GPAM: variants seen among roughly 807,000 people sequenced by gnomAD.
GPAM encodes the protein glycerol-3-phosphate acyltransferase, mitochondrial.
GPAM carries 56 observed loss-of-function variants against 105.0 expected under a neutral mutation model. The observed-to-expected ratio is 0.53, with a 90% CI of 0.43 to 0.67. GPAM has a LOEUF of 0.67. GPAM is among the 30% of genes least tolerant of loss of function. The pLI, the probability that GPAM is intolerant of heterozygous loss-of-function variation, is 0.00. For missense variants in GPAM, 855 were observed against 989.8 expected, an observed-to-expected ratio of 0.86 and a Z score of 1.83; for synonymous variants, 368 against 354.4, an observed-to-expected ratio of 1.04 and a Z score of -0.43.
At chr10:112,180,442 T>A (rs1847487405) in intron 4 of GPAM, 31 bp downstream of exon 4, 1 of 1,609,084 alleles carries the variant, frequency 6.2e-7, no homozygotes, top group Admixed American at 1.7e-5. Flanking sequence ...TTATGCTGAG[T>A]ATTAGGGTCA....
At chr10:112,203,660 T>C (rs1430830627) in intron 1 of GPAM, among the ~76,000 whole-genome samples, 1 of 152,252 alleles carries the variant, frequency 6.6e-6, no homozygotes, top group Non-Finnish European at 1.5e-5. Flanking sequence ...TTACTAACAA[T>C]AATGGATTTC....
At chr10:112,165,860 AT>A (rs1274445394) in intron 12 of GPAM, among the ~76,000 whole-genome samples, 1 of 151,962 alleles carries the variant, frequency 6.6e-6, no homozygotes, top group African/African-American at 2.4e-5. Context: ...CCATCTCAAA[AT>A]TTTTTTGACT....
rs1461605123 is a variant in GPAM at position 112,150,747 on chromosome 10, T to G, written c.*2803A>C. The G allele has an allele frequency of 2.0e-6, 2 of 984,898 alleles. No homozygotes were observed. Among genetic ancestry groups the G allele is most frequent in the African/African-American group, 1.7e-5 (1 of 57,222 alleles). The allele number at this position is 984,898 out of a possible 1,614,324, so 61.0% of individuals were successfully genotyped here. A position where few individuals can be genotyped will look rare whatever the true frequency, so the allele number is the denominator to read the frequency against. ...GCATTGTAAGTTTCCAGGTGCAAAC[T>G]TGGTTTCCCAGCAACACCATTTCTA... is the stretch of plus-strand genomic sequence containing the variant. On this transcript the variant is annotated 3_prime_UTR_variant, in exon 22 of 22. Coordinates refer to ENST00000348367, the MANE Select transcript of GPAM (RefSeq NM_001244949.2).
chr10:112,185,980 T>C (rs1847591828), upstream of GPAM, among the ~76,000 whole-genome samples: 1 of 152,086 alleles, frequency 6.6e-6, no homozygotes, highest in African/African-American at 2.4e-5. Context: ...GAAAGAATAA[T>C]TGATGAAAAC....
intron 8 of GPAM, 106 bp downstream of exon 8, chr10:112,172,864 T>C (rs1589591421): frequency 2.7e-6 from 2 of 749,966 alleles, no homozygotes; most frequent in East Asian, 5.0e-5. Flanking sequence ...ATCTTCCAAA[T>C]GGGTTGAAAT....
chr10:112,222,123 TG>T, the GPAM span, among the ~76,000 whole-genome samples: 2 of 152,220 alleles, frequency 1.3e-5, no homozygotes, highest in African/African-American at 4.8e-5. Context: ...TTGTTGAAGT[TG>T]GGTGATGAGT....
rs762478618 is a variant in GPAM at position 112,160,046 on chromosome 10, G to C, written c.1767C>G (p.Ser589Arg). 20 of 1,613,882 alleles carry C rather than the reference G, an allele frequency of 1.2e-5. No homozygotes were observed. Among genetic ancestry groups the C allele is most frequent in the Admixed American group, 1.7e-5 (1 of 60,010 alleles). The change falls in exon 17 of 22, where the codon AGC (serine) becomes AGG (arginine). Residue 589 changes from serine (S) to arginine (R), a missense_variant. Ser to Arg is a moderately radical substitution (Grantham distance 110). Transcript: ENST00000348367. ...CCCTCTTGTTCAGAACTGCATAAAG[G>C]CTGCAAGCTAAGAAAAGAAAAGCAA... Reference protein sequence around the residue: ...VFIMEAIIACSLYAVLNKRGL... With the variant: ...VFIMEAIIACRLYAVLNKRGL...
In GPAM at chr10:112,155,935, G is replaced by A. The variant is rs765209881; in HGVS notation, c.2240C>T (p.Pro747Leu). The A allele has an allele frequency of 8.7e-6, 14 of 1,612,222 alleles. No individual in the cohort carries two copies. Among genetic ancestry groups the A allele is most frequent in the South Asian group, 6.6e-5 (6 of 91,076 alleles). The change falls in exon 20 of 22, where the codon CCA (proline) becomes CTA (leucine). Residue 747 changes from proline (P) to leucine (L), a missense_variant. Physicochemically the swap from Pro to Leu is moderately conservative, Grantham distance 98. Coordinates refer to ENST00000348367, the MANE Select transcript of GPAM (RefSeq NM_001244949.2). ...IFVHNFSGPV[P>L]EPEYLQKLHK... is the part of the protein sequence containing the mutation. ...CAACTTTTGCAGATACTCAGGTTCT[G>A]GAACAGGACCACTGAAGTTGTGAAC... is the stretch of plus-strand genomic sequence containing the variant.
chr10:112,188,690 T>C (rs1308648944), upstream of GPAM, among the ~76,000 whole-genome samples: 2 of 152,246 alleles, frequency 1.3e-5, no homozygotes, highest in Non-Finnish European at 2.9e-5. Flanking sequence ...TGTTTTGCCA[T>C]TTTCCAGATG....
Position 112,153,408 on chromosome 10 carries a change from GA to G in GPAM, c.*141del. 1 of 1,586,046 alleles carries G rather than the reference GA, an allele frequency of 6.3e-7. No individual in the cohort carries two copies. The highest frequency in any genetic ancestry group is 8.5e-7 in the Non-Finnish European group (1 of 1,171,648). On this transcript the variant is annotated 3_prime_UTR_variant, in exon 22 of 22. Coordinates refer to ENST00000348367, the MANE Select transcript of GPAM (RefSeq NM_001244949.2). The stretch of plus-strand genomic sequence containing the variant: ...GGAAGATCACAGATCCATGGAGGGA[GA>G]AGGCACTTGTCTTCCAGGAGATCAC...
In GPAM at chr10:112,157,265, C is replaced by T. The variant is rs763050405; in HGVS notation, c.2105G>A (p.Arg702Gln). 1.9e-6 allele frequency: 3 copies of T among 1,613,904 alleles called. No individual in the cohort carries two copies. Among genetic ancestry groups the T allele is most frequent in the Non-Finnish European group, 2.5e-6 (3 of 1,179,778 alleles). ...CCCAAGTACCTTCAGGTAGCAATCT[C>T]GCTGTTCCTCCCCAAAGTCACTGTC... Reference protein sequence around the residue: ...DEDSDFGEEQRDCYLKVSQSK... With the variant: ...DEDSDFGEEQQDCYLKVSQSK... Residue 702 changes from arginine (R) to glutamine (Q), a missense_variant, in exon 19 of 22, where the codon CGA becomes CAA. Arg to Gln is a conservative substitution (Grantham distance 43, BLOSUM62 1). Coordinates refer to ENST00000348367, the MANE Select transcript of GPAM (RefSeq NM_001244949.2).
At chr10:112,200,975 A>G (rs991578390) in intron 1 of GPAM, among the ~76,000 whole-genome samples, 2 of 152,238 alleles carry the variant, frequency 1.3e-5, no homozygotes, top group Non-Finnish European at 2.9e-5. Context: ...GTGAATTCTG[A>G]GTGACCCTAG....
At chr10:112,195,684 T>C (rs1847715225) in intron 1 of GPAM, among the ~76,000 whole-genome samples, 1 of 152,236 alleles carries the variant, frequency 6.6e-6, no homozygotes, top group Non-Finnish European at 1.5e-5. Flanking sequence ...ATTCTTGACT[T>C]TTCCCCTACA....
At chr10:112,156,205 G>A in intron 19 of GPAM, 152 bp from the exon 20 acceptor site, 2 of 674,264 alleles carry the variant, frequency 3.0e-6, no homozygotes, top group Non-Finnish European at 5.4e-6. Flanking sequence ...CCCTCATGCA[G>A]AGAATCTCTG....
intron 1 of GPAM, among the ~76,000 whole-genome samples, chr10:112,190,499 TAAA>T (rs11446981): frequency 1.5e-5 from 2 of 135,922 alleles, no homozygotes; most frequent in African/African-American, 2.7e-5. Flanking sequence ...GACTCCATCT[TAAA>T]AAAAAAAAAA....
intron 1 of GPAM, among the ~76,000 whole-genome samples, chr10:112,211,434 T>C (rs943664346): frequency 2.0e-5 from 3 of 152,186 alleles, no homozygotes; most frequent in Non-Finnish European, 4.4e-5. Context: ...TGCAGGTCCA[T>C]GGCCAGGGCG....
chr10:112,151,557 A>C lies in GPAM; in HGVS notation c.*1993T>G. 1.0e-6 allele frequency: 1 copy of C among 985,750 alleles called. No individual in the cohort carries two copies. The allele number at this position is 985,750 out of a possible 1,614,324, so 61.1% of individuals were successfully genotyped here. A position where few individuals can be genotyped will look rare whatever the true frequency, so the allele number is the denominator to read the frequency against. On this transcript the variant is annotated 3_prime_UTR_variant, in exon 22 of 22. Coordinates refer to ENST00000348367, the MANE Select transcript of GPAM (RefSeq NM_001244949.2). ...TGCATTCCCCAAAGCATCTGAACGT[A>C]CTTCTAGAAAACAAACCAACCAAAA...
At chr10:112,181,921 G>A in intron 2 of GPAM, 108 bp from the exon 3 acceptor site, 1 of 663,976 alleles carries the variant, frequency 1.5e-6, no homozygotes, top group Middle Eastern at 2.7e-4. Flanking sequence ...GATATCACAT[G>A]AACTGACAGA....
At chr10:112,155,716 A>G (rs1438089969) in intron 20 of GPAM, 148 bp downstream of exon 20, 2 of 602,528 alleles carry the variant, frequency 3.3e-6, no homozygotes, top group Non-Finnish European at 5.8e-6. Context: ...TTCAACTTAT[A>G]TAACATGCCA....
Sources: allele counts gnomAD v4.1 joint callset (sites outside exome capture counted in the v4.1 genomes callset), GRCh38; gene constraint gnomAD v4.1.1; transcripts MANE v1.5; gene names NCBI Gene and HGNC (gene_info 2026-07-23, HGNC 2026-07-21).